LGALS8: variants seen among roughly 807,000 people sequenced by gnomAD.
LGALS8 encodes the protein galectin 8, also known as galectin-8.
In LGALS8, 30 loss-of-function variants were observed where a neutral mutation model predicts 35.9. That is an observed-to-expected ratio of 0.83 (90% CI 0.62 to 1.13). LGALS8 has a LOEUF of 1.13. LGALS8 is among the 50% of genes most tolerant of loss of function. The pLI is 0.00. For missense variants in LGALS8, 366 were observed against 388.7 expected (o/e 0.94, Z 0.49); for synonymous variants, 138 against 136.1 (o/e 1.01, Z -0.10).
At chr1:236,522,557 G>A (rs988636045), upstream of LGALS8, among the ~76,000 whole-genome samples, 1 of 152,156 alleles carries the variant, frequency 6.6e-6, no homozygotes, top group Non-Finnish European at 1.5e-5. Flanking sequence ...GGCGGGGCTG[G>A]GGGGAGACTC....
chr1:236,543,567 C>T lies in LGALS8; in HGVS notation c.557C>T (p.Pro186Leu). 6.2e-7 allele frequency: 1 copy of T among 1,613,650 alleles called. No homozygotes were observed. Among genetic ancestry groups the T allele is most frequent in the Non-Finnish European group, 8.5e-7 (1 of 1,179,582 alleles). Residue 186 changes from proline (P) to leucine (L), a missense_variant, in exon 8 of 10, where the codon CCA becomes CTA. Transcript: ENST00000366584. ...PKSGTPQLRL[P>L]FAARLNTPMG... ...ACTGTGGCTTCTTTTCAGAGGCTGCCATTCGCTGCAAGGTTGAACACCCCC... is the reference window on the plus strand; with the variant it reads ...ACTGTGGCTTCTTTTCAGAGGCTGCTATTCGCTGCAAGGTTGAACACCCCC...
intron 2 of LGALS8, among the ~76,000 whole-genome samples, chr1:236,529,601 A>G (rs1661027149): frequency 6.7e-6 from 1 of 149,724 alleles, no homozygotes; most frequent in African/African-American, 2.4e-5. Context: ...AAAAGAAAAA[A>G]AAAGTTAGGC....
intron 2 of LGALS8, among the ~76,000 whole-genome samples, chr1:236,532,634 G>A (rs1661212953): frequency 1.3e-5 from 2 of 152,142 alleles, no homozygotes; most frequent in South Asian, 4.1e-4. Flanking sequence ...CTGAGGTCAG[G>A]AGTTCGAGAC....
chr1:236,528,583 G>A (rs1226091617), intron 2 of LGALS8, among the ~76,000 whole-genome samples: 3 of 112,274 alleles, frequency 2.7e-5, no homozygotes, highest in East Asian at 5.2e-4. Context: ...ACAGAGGCTC[G>A]CTCTGTCATC....
chr1:236,538,944 A>G lies in LGALS8; in HGVS notation c.200A>G (p.Asn67Ser), dbSNP rs975971864. The G allele has an allele frequency of 6.8e-6, 11 of 1,613,924 alleles. No individual in the cohort carries two copies. Among genetic ancestry groups the G allele is most frequent in the Middle Eastern group, 3.4e-4 (2 of 5,906 alleles). ...KPRADVAFHF[N>S]PRFKRAGCIV... ...CGAGCCGATGTGGCCTTTCATTTCA[A>G]TCCTCGTTTCAAAAGGGCCGGCTGC... Residue 67 changes from asparagine to serine, a missense_variant, in exon 4 of 10, where the codon AAT becomes AGT. Coordinates refer to ENST00000366584, the MANE Select transcript of LGALS8 (RefSeq NM_201544.4).
chr1:236,530,565 C>A (rs183019262), intron 2 of LGALS8, among the ~76,000 whole-genome samples: 2 of 152,194 alleles, frequency 1.3e-5, no homozygotes, highest in Admixed American at 1.3e-4. Flanking sequence ...CTAATGTGAA[C>A]CCCCAACTCT....
chr1:236,548,874 A>T lies in LGALS8; in HGVS notation c.*713A>T. On this transcript the variant is annotated 3_prime_UTR_variant, in exon 10 of 10. Transcript: ENST00000366584. Reference sequence around the variant, plus strand: ...AGAAATTAAGGCAAAAAACCAAAGCAAAACAAATACATGGTGCTGAAATTA... The same window carrying T: ...AGAAATTAAGGCAAAAAACCAAAGCTAAACAAATACATGGTGCTGAAATTA... 2.5e-6 allele frequency: 1 copy of T among 398,606 alleles called. No homozygotes were observed. The highest frequency in any genetic ancestry group is 4.4e-6 in the Non-Finnish European group (1 of 226,036). The allele number at this position is 398,606 out of a possible 1,614,324, so 24.7% of individuals were successfully genotyped here. A position where few individuals can be genotyped will look rare whatever the true frequency, so the allele number is the denominator to read the frequency against.
chr1:236,542,726 T>A (rs1250165156), intron 6 of LGALS8, 35 bp from the exon 7 acceptor site: 4 of 1,609,078 alleles, frequency 2.5e-6, no homozygotes, highest in Non-Finnish European at 3.4e-6. Context: ...TTCTTCCCCT[T>A]CTAACATTGT....
chr1:236,543,777 T>A lies in LGALS8; in HGVS notation c.638+129T>A, dbSNP rs1207794330. ...ATCTTCATTTCCAAAGTGAGATGAT[T>A]CAAGCAGGAGGTGGTTAGATTGTGA... is the stretch of plus-strand genomic sequence containing the variant. On this transcript the variant is annotated intron_variant, in intron 8 of 9. Transcript: ENST00000366584. The A allele has an allele frequency of 2.1e-5, 15 of 708,896 alleles. No homozygotes were observed. In the East Asian group the frequency reaches 2.2e-4, roughly 11 times the overall value. The allele number at this position is 708,896 out of a possible 1,614,324, so 43.9% of individuals were successfully genotyped here. A position where few individuals can be genotyped will look rare whatever the true frequency, so the allele number is the denominator to read the frequency against.
At position 236,548,670 on chromosome 1, in the gene LGALS8, G is replaced by A. The variant is rs375728051; in HGVS notation, c.*509G>A. The A allele has an allele frequency of 4.5e-4, 162 of 358,616 alleles. No homozygotes were observed. The East Asian group carries it at 5.4e-3, about 12-fold the overall frequency. The allele number at this position is 358,616 out of a possible 1,614,324, so 22.2% of individuals were successfully genotyped here. On this transcript the variant is annotated 3_prime_UTR_variant, in exon 10 of 10. Coordinates refer to ENST00000366584, the MANE Select transcript of LGALS8 (RefSeq NM_201544.4). ...TAGTTATGCAGATATTAAATCACCC[G>A]AAGACACTAACTTACAGAAGACACA...
rs1662717147 is a variant in LGALS8 at position 236,551,076 on chromosome 1, C to T, written c.*2915C>T. 7.7e-6 allele frequency: 8 copies of T among 1,034,680 alleles called. No homozygotes were observed. Among genetic ancestry groups the T allele is most frequent in the Non-Finnish European group, 9.7e-6 (7 of 720,266 alleles). The allele number at this position is 1,034,680 out of a possible 1,614,324, so 64.1% of individuals were successfully genotyped here. A position where few individuals can be genotyped will look rare whatever the true frequency, so the allele number is the denominator to read the frequency against. On this transcript the variant is annotated 3_prime_UTR_variant, in exon 10 of 10. Transcript: ENST00000366584. The stretch of plus-strand genomic sequence containing the variant: ...CATTAGTTTAATTCTTAATGCCTTG[C>T]ACTTTCCGGCAATCATTCAATCAAA...
intron 6 of LGALS8, chr1:236,542,450 A>G (rs1375150925): frequency 3.9e-5 from 15 of 385,382 alleles, no homozygotes; most frequent in Admixed American, 1.2e-4. Flanking sequence ...ACTGCATCCC[A>G]GTGTGGATGA....
In LGALS8 at chr1:236,548,713, C is replaced by A; in HGVS notation, c.*552C>A. The stretch of plus-strand genomic sequence containing the variant: ...AAGACACAACTCCTTCCCCAGTGAT[C>A]ACTGTCATAACCAGTGCTCTACCGT... On this transcript the variant is annotated 3_prime_UTR_variant, in exon 10 of 10. Coordinates refer to ENST00000366584, the MANE Select transcript of LGALS8 (RefSeq NM_201544.4). 1 of 387,090 alleles carries A rather than the reference C, an allele frequency of 2.6e-6. No homozygotes were observed. The highest frequency in any genetic ancestry group is 4.6e-6 in the Non-Finnish European group (1 of 219,348). 24.0% of individuals were successfully genotyped at this position (387,090 alleles called of 1,614,324 possible).
intron 5 of LGALS8, among the ~76,000 whole-genome samples, chr1:236,540,997 C>T (rs1442231282): frequency 1.3e-5 from 2 of 152,174 alleles, no homozygotes; most frequent in Admixed American, 6.5e-5. Flanking sequence ...CTGGGAGTGC[C>T]TGAGTCAAAG....
upstream of LGALS8, among the ~76,000 whole-genome samples, chr1:236,520,209 G>A (rs1031847111): frequency 5.9e-5 from 9 of 151,666 alleles, no homozygotes; most frequent in Non-Finnish European, 8.8e-5. Flanking sequence ...CACCTGCCTC[G>A]GCTTCCCAAA....
chr1:236,545,962 G>A (rs2853608), intron 9 of LGALS8, among the ~76,000 whole-genome samples: 82,057 of 152,008 alleles, frequency 0.54, 24,078 homozygotes, highest in Non-Finnish European at 0.66. Context: ...GGAAACAGAG[G>A]TGAGTGCTCT....
intron 9 of LGALS8, among the ~76,000 whole-genome samples, chr1:236,545,936 T>G (rs1662335252): frequency 6.6e-6 from 1 of 152,138 alleles, no homozygotes; most frequent in South Asian, 2.1e-4. Flanking sequence ...AAAGGGTGAC[T>G]TGGGGTTCAC....
chr1:236,522,290 T>C (rs1473745234), upstream of LGALS8, among the ~76,000 whole-genome samples: 3 of 152,220 alleles, frequency 2.0e-5, no homozygotes, highest in East Asian at 5.8e-4. Flanking sequence ...CAACTTATTT[T>C]AGCTTTGTAA....
chr1:236,518,348 G>A (rs1373607077), intron 1 of LGALS8: 1 of 152,176 alleles, frequency 6.6e-6, no homozygotes, highest in African/African-American at 2.4e-5. Context: ...TGGTGCTCAT[G>A]GATGGGGCTA....
Sources: gnomAD v4.1 joint callset for allele counts (sites outside exome capture counted in the v4.1 genomes callset) on GRCh38, gnomAD v4.1.1 for gene constraint, MANE v1.5 for transcripts, NCBI Gene and HGNC (gene_info 2026-07-23, HGNC 2026-07-21) for gene names.